The following LINGO2 variants were observed in gnomAD, a reference collection of about 807,000 sequenced individuals.
The protein encoded by LINGO2 is leucine-rich repeat and immunoglobulin-like domain-containing nogo receptor-interacting protein 2.
Under a neutral mutation model 30.6 loss-of-function variants are expected in LINGO2, and 14 were observed. The ratio of observed to expected loss-of-function variants is 0.46; its 90% CI spans 0.30 to 0.72. The LOEUF (loss-of-function observed/expected upper bound fraction) is 0.72, where lower values mean the gene tolerates loss of function less well. Ranked by LOEUF, LINGO2 falls within the 30% of genes least tolerant of loss-of-function variation. The probability of loss-of-function intolerance (pLI) is 0.07; values close to 1 mark genes in which losing one functional copy is unlikely to be tolerated. For synonymous variants in LINGO2, 317 were observed against 288.5 expected (o/e 1.10, Z -1.00); for missense variants, 729 against 751.7 (o/e 0.97, Z 0.35).
the LINGO2 span, among the ~76,000 whole-genome samples, chr9:28,886,444 T>C: frequency 6.6e-6 from 1 of 152,118 alleles, no homozygotes; most frequent in Non-Finnish European, 1.5e-5. Context: ...TTTCAGTTAA[T>C]GGTATTTAAT....
chr9:28,304,995 G>A (rs1348299164), intron 3 of LINGO2, among the ~76,000 whole-genome samples: 7 of 151,920 alleles, frequency 4.6e-5, no homozygotes. Flanking sequence ...TTTGGCAAAT[G>A]ACTTGCAGAT....
the LINGO2 span, among the ~76,000 whole-genome samples, chr9:29,037,454 A>T: frequency 6.6e-6 from 1 of 151,968 alleles, no homozygotes; most frequent in African/African-American, 2.4e-5. Context: ...CACAAAGTAG[A>T]TTCTAGTTTT....
the LINGO2 span, chr9:27,939,669 T>A: frequency 3.9e-5 from 6 of 152,222 alleles, no homozygotes; most frequent in South Asian, 6.2e-4. Flanking sequence ...TTTTATGAAA[T>A]CCCTGCATGT....
chr9:28,776,533 A>G, the LINGO2 span, among the ~76,000 whole-genome samples: 1 of 152,194 alleles, frequency 6.6e-6, no homozygotes, highest in Non-Finnish European at 1.5e-5. Context: ...CCTTCCCTAG[A>G]GTATCTTCTC....
the LINGO2 span, among the ~76,000 whole-genome samples, chr9:28,845,945 T>C: frequency 1.3e-5 from 2 of 151,516 alleles, no homozygotes; most frequent in Non-Finnish European, 2.9e-5. Flanking sequence ...GGAGGTACAA[T>C]ATCCCTCTAA....
At chr9:29,013,110 T>C in the LINGO2 span, among the ~76,000 whole-genome samples, 1 of 152,168 alleles carries the variant, frequency 6.6e-6, no homozygotes, top group African/African-American at 2.4e-5. Context: ...TGGGAAAATC[T>C]CGTATTGACT....
At chr9:28,827,376 T>G in the LINGO2 span, among the ~76,000 whole-genome samples, 4 of 152,212 alleles carry the variant, frequency 2.6e-5, no homozygotes, top group African/African-American at 9.6e-5. Flanking sequence ...TAATTTAATT[T>G]ACTCTTTGAT....
At chr9:28,582,620 A>G (rs917790334) in intron 1 of LINGO2, among the ~76,000 whole-genome samples, 4 of 152,024 alleles carry the variant, frequency 2.6e-5, no homozygotes, top group Non-Finnish European at 5.9e-5. Flanking sequence ...TAACATAGCT[A>G]AAGTCCATTA....
intron 5 of LINGO2, among the ~76,000 whole-genome samples, chr9:27,985,278 G>T (rs371059178): frequency 5.9e-5 from 9 of 151,868 alleles, no homozygotes; most frequent in African/African-American, 1.9e-4. Flanking sequence ...TGATGTGAAA[G>T]TGTAATAATT....
At chr9:28,245,216 C>A (rs1322177577) in intron 4 of LINGO2, among the ~76,000 whole-genome samples, 1 of 152,140 alleles carries the variant, frequency 6.6e-6, no homozygotes, top group Non-Finnish European at 1.5e-5. Flanking sequence ...ACATGATCGT[C>A]TCAATAAACG....
At chr9:28,994,225 C>A in the LINGO2 span, among the ~76,000 whole-genome samples, 1 of 152,148 alleles carries the variant, frequency 6.6e-6, no homozygotes, top group Non-Finnish European at 1.5e-5. Flanking sequence ...GCACCAATAA[C>A]AGACAAACAT....
At chr9:28,578,999 T>C (rs1318656585) in intron 1 of LINGO2, among the ~76,000 whole-genome samples, 6 of 151,918 alleles carry the variant, frequency 3.9e-5, no homozygotes, top group African/African-American at 1.4e-4. Context: ...AGAATAAAGA[T>C]CGTAAGATTT....
chr9:28,682,566 G>A, the LINGO2 span, among the ~76,000 whole-genome samples: 3 of 151,888 alleles, frequency 2.0e-5, no homozygotes, highest in African/African-American at 7.3e-5. Flanking sequence ...CATTTTGCCA[G>A]GTACTTTTAT....
chr9:28,864,824 AT>A, the LINGO2 span, among the ~76,000 whole-genome samples: 1 of 152,170 alleles, frequency 6.6e-6, no homozygotes, highest in African/African-American at 2.4e-5. Flanking sequence ...TGAAAAAAAA[AT>A]ATTTGTTTTG....
chr9:28,923,657 C>A, the LINGO2 span, among the ~76,000 whole-genome samples: 1 of 151,842 alleles, frequency 6.6e-6, no homozygotes, highest in South Asian at 2.1e-4. Context: ...TGAATGTAGA[C>A]GACATAAGAA....
At chr9:28,740,103 T>C in the LINGO2 span, among the ~76,000 whole-genome samples, 2 of 150,732 alleles carry the variant, frequency 1.3e-5, no homozygotes, top group African/African-American at 2.5e-5. Flanking sequence ...CAGAAAAATA[T>C]GTGTTGCGTG....
chr9:28,227,978 C>A (rs1224538441), intron 4 of LINGO2, among the ~76,000 whole-genome samples: 1 of 151,892 alleles, frequency 6.6e-6, no homozygotes, highest in Non-Finnish European at 1.5e-5. Flanking sequence ...TATTATTTAT[C>A]TAGAATAAAT....
At chr9:28,893,148 C>T in the LINGO2 span, among the ~76,000 whole-genome samples, 3 of 151,914 alleles carry the variant, frequency 2.0e-5, no homozygotes, top group African/African-American at 7.2e-5. Flanking sequence ...TTCCTGGGAG[C>T]AAGCATTATT....
chr9:28,167,399 G>A (rs186203737), intron 4 of LINGO2, among the ~76,000 whole-genome samples: 46 of 152,248 alleles, frequency 3.0e-4, no homozygotes, highest in Non-Finnish European at 5.4e-4. Flanking sequence ...GTTTCCTTTT[G>A]AGACAGAGTC....
Sources: allele counts gnomAD v4.1 joint callset (sites outside exome capture counted in the v4.1 genomes callset), GRCh38; gene constraint gnomAD v4.1.1; transcripts MANE v1.5; gene names NCBI Gene and HGNC (gene_info 2026-07-23, HGNC 2026-07-21).